PPP1R36: variants seen among roughly 807,000 people sequenced by gnomAD.
PPP1R36 encodes the protein chromosome 14 open reading frame 50.
A neutral mutation model predicts 53.4 loss-of-function variants in PPP1R36; 47 were observed. That is an observed-to-expected ratio of 0.88 (90% CI 0.70 to 1.12). The LOEUF (loss-of-function observed/expected upper bound fraction) is 1.12. PPP1R36 is among the 50% of genes most tolerant of loss of function. PPP1R36 has a pLI of 0.00. For missense variants in PPP1R36, 456 were observed against 513.9 expected (o/e 0.89, Z 1.09); for synonymous variants, 153 against 170.5 (o/e 0.90, Z 0.80).
Position 64,583,070 on chromosome 14 carries a change from TA to T in PPP1R36, c.669-3766del, listed in dbSNP as rs1332048483. On this transcript the variant is annotated intron_variant, in intron 8 of 11. Coordinates refer to ENST00000298705, the MANE Select transcript of PPP1R36 (RefSeq NM_172365.3). ...CCACTCCCAGCTATATATATATATA[TA>T]TATATTTTTTTTTTGTATTTTTGTA... Among the ~76,000 whole-genome samples the T allele has an allele frequency of 6.0e-3, 807 of 133,920 alleles. 9 individuals are homozygous for T. Among genetic ancestry groups the T allele is most frequent in the African/African-American group, 0.02 (770 of 38,804 alleles). The allele number at this position is 133,920 out of a possible 152,430, so 87.9% of individuals were successfully genotyped here.
chr14:64,564,965 AAG>A (rs779363559), intron 4 of PPP1R36, 128 bp downstream of exon 4: 12 of 655,970 alleles, frequency 1.8e-5, no homozygotes, highest in Non-Finnish European at 2.9e-5. Flanking sequence ...CCATCAAAGA[AAG>A]AACATGTGCT....
intron 3 of PPP1R36, among the ~76,000 whole-genome samples, chr14:64,558,141 A>T (rs1044227267): frequency 2.0e-5 from 3 of 152,206 alleles, no homozygotes; most frequent in African/African-American, 7.2e-5. Flanking sequence ...GAGGAGGGCA[A>T]ACACTGCAAA....
At position 64,565,683 on chromosome 14, in the gene PPP1R36, C is replaced by T; in HGVS notation, c.425C>T (p.Thr142Ile). 1 of 1,610,878 alleles carries T rather than the reference C, an allele frequency of 6.2e-7. No individual in the cohort carries two copies. The highest frequency in any genetic ancestry group is 8.5e-7 in the Non-Finnish European group (1 of 1,177,114). The stretch of plus-strand genomic sequence containing the variant: ...ATGCAGCGGATCTGTTCTTTTACAA[C>T]ATTTATGAGGTATCTATTGCTTATG... ...TEMQRICSFT[T>I]FMRNKNLDNF... is the part of the protein sequence containing the mutation. The change falls in exon 6 of 12, where the codon ACA becomes ATA. Residue 142 changes from threonine to isoleucine, a missense_variant. Transcript: ENST00000298705.
rs576276304 is a variant in PPP1R36 at position 64,587,156 on chromosome 14, A to C, written c.712-38A>C. ...GACAGGTAAGAGTTTTCCATTTCACAGCTAAGGATCGTGATTCTTGTCTAT... is the reference window on the plus strand; with the variant it reads ...GACAGGTAAGAGTTTTCCATTTCACCGCTAAGGATCGTGATTCTTGTCTAT... On this transcript the variant is annotated intron_variant, in intron 9 of 11. Coordinates refer to ENST00000298705, the MANE Select transcript of PPP1R36 (RefSeq NM_172365.3). 2.5e-5 allele frequency: 37 copies of C among 1,504,902 alleles called. No homozygotes were observed. The East Asian group carries it at 8.2e-4, about 33-fold the overall frequency. The allele number at this position is 1,504,902 out of a possible 1,614,324, so 93.2% of individuals were successfully genotyped here.
intron 7 of PPP1R36, 146 bp from the exon 8 acceptor site, chr14:64,574,309 C>T (rs536654138): frequency 6.9e-6 from 5 of 725,330 alleles, no homozygotes; most frequent in African/African-American, 1.8e-5. Flanking sequence ...GAGCTGTGAT[C>T]GCACCACTGC....
chr14:64,563,464 A>AC (rs1566651202), intron 3 of PPP1R36, among the ~76,000 whole-genome samples: 1 of 151,590 alleles, frequency 6.6e-6, no homozygotes. Context: ...TAAAAAAAAA[A>AC]AAAGAAAGAA....
At chr14:64,588,935 C>G (rs1258708509) in intron 11 of PPP1R36, among the ~76,000 whole-genome samples, 1 of 152,110 alleles carries the variant, frequency 6.6e-6, no homozygotes, top group African/African-American at 2.4e-5. Flanking sequence ...AGCGCTAGTA[C>G]AAAATCTTGC....
At chr14:64,550,396 G>A (rs1453357425) in intron 1 of PPP1R36, 42 of 649,742 alleles carry the variant, frequency 6.5e-5, no homozygotes, top group Non-Finnish European at 8.4e-5. Flanking sequence ...AAGGCTGGTG[G>A]GTGCTAGCTT....
At chr14:64,568,650 A>G (rs1467351725) in intron 7 of PPP1R36, among the ~76,000 whole-genome samples, 3 of 152,252 alleles carry the variant, frequency 2.0e-5, no homozygotes, top group African/African-American at 7.2e-5. Flanking sequence ...CAACTGATAC[A>G]GACTAGCATT....
rs1333727898 is a variant in PPP1R36 at position 64,565,696 on chromosome 14, T to G, written c.434+4T>G. The G allele has an allele frequency of 6.2e-7, 1 of 1,603,210 alleles. No individual in the cohort carries two copies. The highest frequency in any genetic ancestry group is 1.1e-5 in the South Asian group (1 of 90,844). ...GTTCTTTTACAACATTTATGAGGTA[T>G]CTATTGCTTATGAGTCATTTTAGAT... On this transcript the variant is annotated splice_donor_region_variant and intron_variant, in intron 6 of 11. Transcript: ENST00000298705.
In PPP1R36 at chr14:64,586,943, T is replaced by C. The variant is rs1596751136; in HGVS notation, c.711+64T>C. ...AATATATACCAACAACCAATGGCCATTTGTCAGGCACTTATTTTTAGTGAA... is the reference window on the plus strand; with the variant it reads ...AATATATACCAACAACCAATGGCCACTTGTCAGGCACTTATTTTTAGTGAA... On this transcript the variant is annotated intron_variant, in intron 9 of 11. Transcript: ENST00000298705. 5 of 1,291,370 alleles carry C rather than the reference T, an allele frequency of 3.9e-6. No individual in the cohort carries two copies. In the African/African-American group the frequency reaches 7.3e-5, roughly 19 times the overall value. The allele number at this position is 1,291,370 out of a possible 1,614,324, so 80.0% of individuals were successfully genotyped here. A position where few individuals can be genotyped will look rare whatever the true frequency, so the allele number is the denominator to read the frequency against.
intron 3 of PPP1R36, among the ~76,000 whole-genome samples, chr14:64,556,697 G>A (rs988313646): frequency 6.7e-6 from 1 of 149,928 alleles, no homozygotes; most frequent in South Asian, 2.1e-4. Flanking sequence ...TTGAGGCTGT[G>A]GTGAGTCATG....
chr14:64,552,932 A>C, intron 3 of PPP1R36, 71 bp downstream of exon 3: 1 of 1,360,528 alleles, frequency 7.4e-7, no homozygotes, highest in Non-Finnish European at 1.0e-6. Context: ...GTCAAAATAC[A>C]TGTTAAAGCA....
At chr14:64,576,894 C>G (rs1487346300) in intron 8 of PPP1R36, among the ~76,000 whole-genome samples, 1 of 152,214 alleles carries the variant, frequency 6.6e-6, no homozygotes, top group Non-Finnish European at 1.5e-5. Flanking sequence ...AAATGTGGCA[C>G]TCAGGGAGCG....
intron 3 of PPP1R36, chr14:64,562,042 CATG>C (rs1483630199): frequency 3.2e-6 from 1 of 315,620 alleles, no homozygotes; most frequent in Non-Finnish European, 6.3e-6. Context: ...AGGGGAATGA[CATG>C]ATTATATTGT....
rs1022778895 is a variant in PPP1R36, at chr14:64,549,980, G to T, written c.-18G>T. 1.3e-6 allele frequency: 2 copies of T among 1,558,022 alleles called. No homozygotes were observed. The highest frequency in any genetic ancestry group is 1.7e-6 in the Non-Finnish European group (2 of 1,150,774). ...GGCGGTATCCTCGGCGACGCCGTAT[G>T]GCTTCCAGGGCGAGGCCATGTACCG... is the stretch of plus-strand genomic sequence containing the variant. On this transcript the variant is annotated 5_prime_UTR_variant, in exon 1 of 12. The change abolishes an upstream ATG in the 5' untranslated region. Transcript: ENST00000298705.
rs372001929 is a variant in PPP1R36, at chr14:64,551,004, T to C, written c.134+19T>C. 18 of 1,521,614 alleles carry C rather than the reference T, an allele frequency of 1.2e-5. No homozygotes were observed. The highest frequency in any genetic ancestry group is 1.3e-5 in the Non-Finnish European group (14 of 1,104,360). The allele number at this position is 1,521,614 out of a possible 1,614,324, so 94.3% of individuals were successfully genotyped here. ...TCAGAAGGTAAAATTTAACAACACT[T>C]TATTAGAGTTTTTATAAAAATTACA... On this transcript the variant is annotated intron_variant, in intron 2 of 11. Transcript: ENST00000298705.
chr14:64,574,937 G>A (rs2080331176), intron 8 of PPP1R36, among the ~76,000 whole-genome samples: 1 of 152,318 alleles, frequency 6.6e-6, no homozygotes, highest in East Asian at 1.9e-4. Flanking sequence ...GTAGTGCAGG[G>A]GGATTAGGTG....
In PPP1R36 at chr14:64,565,344, T is replaced by G; in HGVS notation, c.270-13T>G. The G allele has an allele frequency of 1.9e-6, 3 of 1,590,420 alleles. No homozygotes were observed. The highest frequency in any genetic ancestry group is 2.6e-6 in the Non-Finnish European group (3 of 1,161,770). On this transcript the variant is annotated splice_polypyrimidine_tract_variant and intron_variant, in intron 4 of 11. Transcript: ENST00000298705. ...ATTAAAACACTACTAGAAACTGTTA[T>G]ATTCCAAAACAGGTTGACAGATAAA...
Sources: allele counts gnomAD v4.1 joint callset (sites outside exome capture counted in the v4.1 genomes callset), GRCh38; gene constraint gnomAD v4.1.1; transcripts MANE v1.5; gene names NCBI Gene and HGNC (gene_info 2026-07-23, HGNC 2026-07-21).